Variants in GRIK1 observed in about 807,000 individuals in gnomAD.
GRIK1 encodes glutamate receptor ionotropic, kainate 1.
A neutral mutation model predicts 105.7 loss-of-function variants in GRIK1; 69 were observed. That is an observed-to-expected ratio of 0.65 (90% CI 0.54 to 0.80). GRIK1 has a LOEUF of 0.80. Among genes scored for constraint, GRIK1 ranks in the 30% least tolerant of loss-of-function variants. The pLI is 0.00. For missense variants in GRIK1, 1,109 were observed against 1,167.3 expected (o/e 0.95, Z 0.73); for synonymous variants, 438 against 431.3 (o/e 1.02, Z -0.19).
chr21:29,776,399 C>G (rs2065944556), intron 1 of GRIK1, among the ~76,000 whole-genome samples: 1 of 152,200 alleles, frequency 6.6e-6, no homozygotes, highest in South Asian at 2.1e-4. Flanking sequence ...CTCGTGTAAT[C>G]AGCATATAAT....
At chr21:29,728,375 A>C (rs1313553005) in intron 1 of GRIK1, among the ~76,000 whole-genome samples, 1 of 152,172 alleles carries the variant, frequency 6.6e-6, no homozygotes. Flanking sequence ...AATTGGTGAG[A>C]GGAAACTTGA....
intron 2 of GRIK1, among the ~76,000 whole-genome samples, chr21:29,690,619 G>C (rs2063567195): frequency 6.6e-6 from 1 of 152,228 alleles, no homozygotes; most frequent in African/African-American, 2.4e-5. Context: ...ACAATGAAGA[G>C]AGTCATGGCC....
At chr21:29,610,662 A>T (rs1281807391) in intron 7 of GRIK1, among the ~76,000 whole-genome samples, 18 of 152,254 alleles carry the variant, frequency 1.2e-4, no homozygotes, top group Admixed American at 1.2e-3. Context: ...GCCCAATGAG[A>T]CTTGTGTTAG....
chr21:29,575,038 T>C (rs1436149691), intron 14 of GRIK1, among the ~76,000 whole-genome samples: 2 of 152,160 alleles, frequency 1.3e-5, no homozygotes, highest in Non-Finnish European at 2.9e-5. Context: ...TTTAAAAATC[T>C]TTTTTAACAC....
chr21:29,807,601 C>T (rs903734250), intron 1 of GRIK1, among the ~76,000 whole-genome samples: 2 of 151,942 alleles, frequency 1.3e-5, no homozygotes, highest in Non-Finnish European at 2.9e-5. Context: ...TGGTGACATT[C>T]TTTAAAGAAT....
intron 1 of GRIK1, among the ~76,000 whole-genome samples, chr21:29,727,244 A>C (rs2064492317): frequency 6.6e-6 from 1 of 152,140 alleles, no homozygotes; most frequent in Admixed American, 6.6e-5. Context: ...AATTTTTAGA[A>C]GTGGAGCAAA....
chr21:29,592,591 G>T (rs1435772168), intron 9 of GRIK1, among the ~76,000 whole-genome samples: 1 of 152,176 alleles, frequency 6.6e-6, no homozygotes, highest in East Asian at 1.9e-4. Flanking sequence ...AGACCTTGTT[G>T]CTGTGTGTCC....
chr21:29,694,117 ATT>A (rs11434895), intron 1 of GRIK1, 54 bp from the exon 2 acceptor site: 6,799 of 430,686 alleles, frequency 0.016, no homozygotes, highest in Non-Finnish European at 0.018. Flanking sequence ...TTCACATGTA[ATT>A]TTTTTTTTTT....
At chr21:29,775,806 T>C (rs1444621639) in intron 1 of GRIK1, among the ~76,000 whole-genome samples, 1 of 152,254 alleles carries the variant, frequency 6.6e-6, no homozygotes, top group African/African-American at 2.4e-5. Flanking sequence ...CTTCTACTAC[T>C]GTATGAACAG....
At chr21:29,814,260 C>T (rs2067093203) in intron 1 of GRIK1, among the ~76,000 whole-genome samples, 1 of 151,708 alleles carries the variant, frequency 6.6e-6, no homozygotes, top group African/African-American at 2.4e-5. Flanking sequence ...TCCCAAGAAA[C>T]TTTCTATTTC....
intron 14 of GRIK1, among the ~76,000 whole-genome samples, chr21:29,564,818 T>C (rs572872063): frequency 6.6e-6 from 1 of 152,342 alleles, no homozygotes; most frequent in South Asian, 2.1e-4. Context: ...AACCTCAGTA[T>C]TCAACAGCTG....
intron 14 of GRIK1, among the ~76,000 whole-genome samples, chr21:29,576,707 T>C (rs1328507810): frequency 1.3e-5 from 2 of 152,120 alleles, no homozygotes; most frequent in Non-Finnish European, 2.9e-5. Flanking sequence ...ATTGAAGATA[T>C]TGATCTATGG....
chr21:29,620,802 T>TATATATATATATAGATAG (rs1276169939), intron 7 of GRIK1, among the ~76,000 whole-genome samples: 2 of 127,426 alleles, frequency 1.6e-5, no homozygotes, highest in African/African-American at 3.3e-5. Context: ...TCTATATATA[T>TATATATATATATAGATAG]ATAGATATAT....
At chr21:29,686,699 A>G (rs565670905) in intron 3 of GRIK1, among the ~76,000 whole-genome samples, 2 of 152,308 alleles carry the variant, frequency 1.3e-5, no homozygotes, top group East Asian at 1.9e-4. Context: ...CAAGACCCCC[A>G]TGGCCATAAA....
At chr21:29,560,332 T>C (rs1431647989) in intron 15 of GRIK1, among the ~76,000 whole-genome samples, 4 of 121,838 alleles carry the variant, frequency 3.3e-5, no homozygotes, top group Admixed American at 8.6e-5. Flanking sequence ...TCTTTCTTTC[T>C]TTCTTTCTTT....
intron 1 of GRIK1, among the ~76,000 whole-genome samples, chr21:29,704,471 C>A (rs1230966550): frequency 6.6e-6 from 1 of 152,180 alleles, no homozygotes; most frequent in African/African-American, 2.4e-5. Flanking sequence ...TCCTGCTCTG[C>A]CTGTTCCTTG....
At chr21:29,780,945 A>C (rs558148313) in intron 1 of GRIK1, among the ~76,000 whole-genome samples, 5 of 152,268 alleles carry the variant, frequency 3.3e-5, no homozygotes, top group Admixed American at 3.3e-4. Context: ...CCCACAACCC[A>C]AAATTATACC....
chr21:29,642,749 G>C lies in GRIK1; in HGVS notation c.1098+77C>G. The C allele has an allele frequency of 3.9e-6, 5 of 1,290,676 alleles. No individual in the cohort carries two copies. The South Asian group carries it at 6.3e-5, about 16-fold the overall frequency. 80.0% of individuals were successfully genotyped at this position (1,290,676 alleles called of 1,614,324 possible). Reference sequence around the variant, plus strand: ...AGGGGCATCATGCCAGCAGAACCCTGTGGGGAGGACCATACCAAATGGGCA... The same window carrying C: ...AGGGGCATCATGCCAGCAGAACCCTCTGGGGAGGACCATACCAAATGGGCA... On this transcript the variant is annotated intron_variant, in intron 7 of 17. Transcript: ENST00000327783.
intron 6 of GRIK1, among the ~76,000 whole-genome samples, chr21:29,649,918 C>T (rs1365970620): frequency 6.6e-6 from 1 of 152,070 alleles, no homozygotes; most frequent in Non-Finnish European, 1.5e-5. Context: ...AATTATAAAC[C>T]CAAGAGGAAG....
Sources: allele counts gnomAD v4.1 joint callset (sites outside exome capture counted in the v4.1 genomes callset), GRCh38; gene constraint gnomAD v4.1.1; transcripts MANE v1.5; gene names NCBI Gene and HGNC (gene_info 2026-07-23, HGNC 2026-07-21).